The following LARS1 variants were observed in gnomAD, a reference collection of about 807,000 sequenced individuals.
LARS1 encodes the protein leucyl-tRNA synthetase 1, also known as leucine--tRNA ligase, cytoplasmic.
Under a neutral mutation model 162.8 loss-of-function variants are expected in LARS1, and 100 were observed. That is an observed-to-expected ratio of 0.61 (90% confidence interval 0.52 to 0.73). The LOEUF (loss-of-function observed/expected upper bound fraction) is 0.73, where lower values mean the gene tolerates loss of function less well. LARS1 is among the 30% of genes least tolerant of loss of function. The probability of loss-of-function intolerance (pLI) is 0.00; values close to 1 mark genes in which losing one functional copy is unlikely to be tolerated. For synonymous variants in LARS1, 457 were observed against 462.8 expected, an observed-to-expected ratio of 0.99 and a Z score of 0.16; for missense variants, 1,258 against 1,408.9, an observed-to-expected ratio of 0.89 and a Z score of 1.71.
rs557352272 is a variant in LARS1 at position 146,178,443 on chromosome 5, A to G, written c.7-778T>C. Among the ~76,000 whole-genome samples, 75 of 151,960 alleles carry G rather than the reference A, an allele frequency of 4.9e-4. 1 individual carries two copies. In the East Asian group the frequency reaches 0.015, roughly 30 times the overall value. On this transcript the variant is annotated intron_variant, in intron 1 of 31. Transcript: ENST00000394434. The stretch of plus-strand genomic sequence containing the variant: ...AGCCTGGCCAACGTGGTGAAACCCC[A>G]TCTCTACTAAAAATACAAAAATTAG...
chr5:146,154,201 T>C (rs1440104061), intron 10 of LARS1, among the ~76,000 whole-genome samples: 1 of 147,160 alleles, frequency 6.8e-6, no homozygotes, highest in Non-Finnish European at 1.5e-5. Context: ...AGCCTTGCTA[T>C]GTTGCCAAGG....
chr5:146,142,598 T>G (rs1752832660), intron 20 of LARS1, among the ~76,000 whole-genome samples: 1 of 152,212 alleles, frequency 6.6e-6, no homozygotes, highest in Non-Finnish European at 1.5e-5. Flanking sequence ...TGGTCTAGAA[T>G]TATTCCTGCA....
Position 146,120,352 on chromosome 5 carries a change from G to A in LARS1, c.3325+19C>T, listed in dbSNP as rs754557945. 10 of 1,612,026 alleles carry A rather than the reference G, an allele frequency of 6.2e-6. No homozygotes were observed. Among genetic ancestry groups the A allele is most frequent in the Admixed American group, 3.3e-5 (2 of 59,928 alleles). ...ATCTACAAGCTACTGACAAATGGGA[G>A]TTTTGGGGAACAACTTACCTTTAAT... On this transcript the variant is annotated intron_variant, in intron 31 of 31. Coordinates refer to ENST00000394434, the MANE Select transcript of LARS1 (RefSeq NM_020117.11).
At chr5:146,130,858 CTT>C in intron 24 of LARS1, 159 bp downstream of exon 24, 1 of 463,834 alleles carries the variant, frequency 2.2e-6, no homozygotes, top group South Asian at 4.6e-5. Context: ...AAGATAATAA[CTT>C]AAAATCACAA....
rs1239275721 is a variant in LARS1, at chr5:146,153,962, G to A, written c.1084C>T (p.Leu362Phe). ...TTGTATGATGTTAAAGGTGCAGAAAGTGATGCACCAAGAATTTCCTGCATA... is the reference window on the plus strand; with the variant it reads ...TTGTATGATGTTAAAGGTGCAGAAAATGATGCACCAAGAATTTCCTGCATA... Reference protein sequence around the residue: ...LMGEEILGASLSAPLTSYKVI... With the variant: ...LMGEEILGASFSAPLTSYKVI... The change falls in exon 11 of 32, where the codon CTT becomes TTT. Residue 362 changes from leucine (L) to phenylalanine (F), a missense_variant. Transcript: ENST00000394434. The A allele has an allele frequency of 3.1e-6, 5 of 1,606,902 alleles. No homozygotes were observed. Among genetic ancestry groups the A allele is most frequent in the East Asian group, 2.2e-5 (1 of 44,822 alleles).
chr5:146,152,182 T>A (rs1753323282), intron 13 of LARS1, among the ~76,000 whole-genome samples, 180 bp from the exon 14 acceptor site: 1 of 152,168 alleles, frequency 6.6e-6, no homozygotes. Context: ...TTTGTCCTTC[T>A]ACTCTCCACA....
At position 146,149,642 on chromosome 5, in the gene LARS1, G is replaced by C. The variant is rs759290183; in HGVS notation, c.1483C>G (p.Gln495Glu). ...CATACAGCGTCAATCATCTTTTTCT[G>C]AATAGTCTTCTTTACATCTTGAACC... is the stretch of plus-strand genomic sequence containing the variant. ...QKVQDVKKTIQKKMIDAGDAL... is the reference protein window; with the variant it reads ...QKVQDVKKTIEKKMIDAGDAL... The change falls in exon 15 of 32, where the codon CAG (glutamine) becomes GAG (glutamate). Residue 495 changes from glutamine to glutamate, a missense_variant. Transcript: ENST00000394434. 1.9e-6 allele frequency: 3 copies of C among 1,612,482 alleles called. No individual in the cohort carries two copies. Among genetic ancestry groups the C allele is most frequent in the Non-Finnish European group, 1.7e-6 (2 of 1,178,736 alleles).
Position 146,160,398 on chromosome 5 carries a change from C to T in LARS1, c.683G>A (p.Arg228Lys), listed in dbSNP as rs779694899. The change falls in exon 7 of 32, where the codon AGA (arginine) becomes AAA (lysine). Residue 228 changes from arginine to lysine, a missense_variant. Transcript: ENST00000394434. The part of the protein sequence containing the change: ...VRWQFLTLRE[R>K]NKIKFGKRYT... ...CCGCTTCCCAAATTTAATTTTGTTT[C>T]TTTCTCTTAATGTTAAAAATTGCCA... 4 of 1,566,234 alleles carry T rather than the reference C, an allele frequency of 2.6e-6. No individual in the cohort carries two copies. Among genetic ancestry groups the T allele is most frequent in the Non-Finnish European group, 3.5e-6 (4 of 1,154,650 alleles).
chr5:146,122,374 A>G (rs1401995391), intron 30 of LARS1, 118 bp downstream of exon 30: 1 of 581,530 alleles, frequency 1.7e-6, no homozygotes, highest in East Asian at 2.8e-5. Context: ...CAAACCAACC[A>G]CTTAATTTCT....
At chr5:146,142,094 A>G (rs1752806420) in intron 20 of LARS1, among the ~76,000 whole-genome samples, 1 of 152,090 alleles carries the variant, frequency 6.6e-6, no homozygotes, top group Admixed American at 6.6e-5. Context: ...CAGGAGGCGG[A>G]GGTTGCAGTG....
chr5:146,159,345 C>T, intron 8 of LARS1, 62 bp downstream of exon 8: 1 of 1,347,098 alleles, frequency 7.4e-7, no homozygotes, highest in Admixed American at 1.9e-5. Flanking sequence ...GTTTCTATTT[C>T]TTAAACTCTA....
Position 146,113,917 on chromosome 5 carries a change from GA to G in LARS1, c.*188del. 5 of 553,314 alleles carry G rather than the reference GA, an allele frequency of 9.0e-6. No homozygotes were observed. The highest frequency in any genetic ancestry group is 2.7e-5 in the South Asian group (1 of 36,776). The allele number at this position is 553,314 out of a possible 1,614,324, so 34.3% of individuals were successfully genotyped here. On this transcript the variant is annotated 3_prime_UTR_variant, in exon 32 of 32. Coordinates refer to ENST00000394434, the MANE Select transcript of LARS1 (RefSeq NM_020117.11). ...TTTCTCTTGGACACCCAAAGAAAGG[GA>G]AAAAAAATTTATTAGGTCCAGGAAT... is the stretch of plus-strand genomic sequence containing the variant.
At chr5:146,139,162 C>T (rs561995779) in intron 21 of LARS1, among the ~76,000 whole-genome samples, 6 of 151,080 alleles carry the variant, frequency 4.0e-5, no homozygotes, top group African/African-American at 1.5e-4. Flanking sequence ...GCCAACATGG[C>T]GAAACCCCAT....
intron 15 of LARS1, among the ~76,000 whole-genome samples, chr5:146,145,527 T>C (rs1372493595): frequency 7.2e-5 from 11 of 152,250 alleles, no homozygotes; most frequent in Non-Finnish European, 8.8e-5. Flanking sequence ...TTTGATTTTT[T>C]ACCAAATATA....
At chr5:146,145,058 T>G (rs1027170977) in intron 15 of LARS1, among the ~76,000 whole-genome samples, 19 of 152,076 alleles carry the variant, frequency 1.2e-4, no homozygotes, top group Non-Finnish European at 1.2e-4. Flanking sequence ...GACAGTTTTT[T>G]GGGGTTTTAT....
At chr5:146,147,242 A>G (rs1753051753) in intron 15 of LARS1, among the ~76,000 whole-genome samples, 1 of 152,174 alleles carries the variant, frequency 6.6e-6, no homozygotes, top group Admixed American at 6.6e-5. Context: ...AATAAGATTA[A>G]GATGTCCCAT....
At chr5:146,151,164 T>C (rs1270660970) in intron 14 of LARS1, among the ~76,000 whole-genome samples, 1 of 152,220 alleles carries the variant, frequency 6.6e-6, no homozygotes, top group East Asian at 1.9e-4. Context: ...TAAATTAATA[T>C]ATAAGTGCTA....
At chr5:146,117,591 C>A (rs967046882) in intron 31 of LARS1, among the ~76,000 whole-genome samples, 5 of 152,182 alleles carry the variant, frequency 3.3e-5, no homozygotes, top group Non-Finnish European at 5.9e-5. Flanking sequence ...GCCTGGGTGA[C>A]AGAGGGAGAC....
intron 8 of LARS1, among the ~76,000 whole-genome samples, chr5:146,158,947 T>A (rs530926650): frequency 3.6e-4 from 55 of 151,964 alleles, no homozygotes; most frequent in African/African-American, 1.2e-3. Flanking sequence ...ATACAAAAAA[T>A]TAGCTGGGTG....
Sources: allele counts gnomAD v4.1 joint callset (sites outside exome capture counted in the v4.1 genomes callset), GRCh38; gene constraint gnomAD v4.1.1; transcripts MANE v1.5; gene names NCBI Gene and HGNC (gene_info 2026-07-23, HGNC 2026-07-21).